GABRG3: variants seen among roughly 807,000 people sequenced by gnomAD.
GABRG3 encodes the protein gamma-aminobutyric acid receptor subunit gamma-3.
A neutral mutation model predicts 48.8 loss-of-function variants in GABRG3; 25 were observed. The ratio of observed to expected loss-of-function variants is 0.51; its 90% confidence interval spans 0.37 to 0.72. The LOEUF (loss-of-function observed/expected upper bound fraction) is 0.72. GABRG3 is among the 30% of genes least tolerant of loss of function. GABRG3 has a pLI of 0.00. For missense variants in GABRG3, 394 were observed against 577.9 expected (o/e 0.68, Z 3.26); for synonymous variants, 227 against 217.6 (o/e 1.04, Z -0.38).
chr15:27,128,084 A>AG (rs1181713680), intron 3 of GABRG3, among the ~76,000 whole-genome samples: 4 of 152,190 alleles, frequency 2.6e-5, no homozygotes, highest in African/African-American at 9.6e-5. Context: ...GTTTGAGGCC[A>AG]GGGATGGTGG....
At chr15:27,235,416 A>C (rs1251884551) in intron 3 of GABRG3, among the ~76,000 whole-genome samples, 1 of 152,144 alleles carries the variant, frequency 6.6e-6, no homozygotes, top group East Asian at 1.9e-4. Context: ...TGACTCCATC[A>C]TTTGCTCCAC....
At chr15:27,061,380 A>G (rs1595500151) in intron 3 of GABRG3, among the ~76,000 whole-genome samples, 1 of 151,662 alleles carries the variant, frequency 6.6e-6, no homozygotes, top group Non-Finnish European at 1.5e-5. Context: ...AACGCTGGCC[A>G]TCTGGCTGAT....
intron 3 of GABRG3, among the ~76,000 whole-genome samples, chr15:27,097,586 A>G (rs544467058): frequency 6.6e-6 from 1 of 151,594 alleles, no homozygotes; most frequent in South Asian, 2.1e-4. Context: ...TACAGCTTTA[A>G]TTATAATATT....
chr15:27,309,615 G>A (rs750695179), intron 3 of GABRG3, among the ~76,000 whole-genome samples: 85 of 152,074 alleles, frequency 5.6e-4, no homozygotes, highest in Non-Finnish European at 1.0e-3. Flanking sequence ...AAACCATGAC[G>A]TGATAGTGCT....
chr15:27,148,413 CA>C (rs1361825755), intron 3 of GABRG3, among the ~76,000 whole-genome samples: 1 of 151,854 alleles, frequency 6.6e-6, no homozygotes, highest in East Asian at 1.9e-4. Context: ...AGAATTTTAC[CA>C]AACCTTTTAA....
intron 9 of GABRG3, 25 bp downstream of exon 9, chr15:27,528,017 A>G (rs750811790): frequency 1.8e-5 from 28 of 1,547,716 alleles, no homozygotes; most frequent in African/African-American, 2.7e-5. Flanking sequence ...GCAGGTGCCA[A>G]TATTTCTGAG....
intron 3 of GABRG3, among the ~76,000 whole-genome samples, chr15:27,047,303 C>G (rs556535903): frequency 6.6e-6 from 1 of 152,280 alleles, no homozygotes; most frequent in East Asian, 1.9e-4. Flanking sequence ...AAACATGTCA[C>G]CCTCGCAGGT....
chr15:27,324,927 T>A (rs1893555552), intron 3 of GABRG3, among the ~76,000 whole-genome samples: 1 of 130,982 alleles, frequency 7.6e-6, no homozygotes, highest in Non-Finnish European at 1.5e-5. Flanking sequence ...ATTAAAGAGG[T>A]TACTGGGTGG....
chr15:27,314,283 T>C (rs564219522), intron 3 of GABRG3, among the ~76,000 whole-genome samples: 1 of 152,278 alleles, frequency 6.6e-6, no homozygotes, highest in East Asian at 1.9e-4. Context: ...CAAGAAGACA[T>C]ACACACTGCC....
intron 5 of GABRG3, among the ~76,000 whole-genome samples, chr15:27,346,137 AAAAG>A (rs1226101759): frequency 6.6e-5 from 10 of 151,724 alleles, no homozygotes; most frequent in African/African-American, 2.4e-4. Flanking sequence ...AGAAAGAAAG[AAAAG>A]AAAGAAGGAA....
intron 5 of GABRG3, among the ~76,000 whole-genome samples, chr15:27,395,748 A>G (rs1474681040): frequency 6.6e-6 from 1 of 152,236 alleles, no homozygotes; most frequent in African/African-American, 2.4e-5. Context: ...CCTAAATGTA[A>G]ACAAATAATT....
chr15:27,029,457 GCATGCACA>G (rs1376806804), intron 3 of GABRG3, among the ~76,000 whole-genome samples: 3 of 148,128 alleles, frequency 2.0e-5, no homozygotes, highest in African/African-American at 5.0e-5. Flanking sequence ...ACACACACAC[GCATGCACA>G]CATGCACACA....
chr15:27,159,599 T>G (rs939707792), intron 3 of GABRG3, among the ~76,000 whole-genome samples: 1 of 152,130 alleles, frequency 6.6e-6, no homozygotes, highest in Admixed American at 6.5e-5. Context: ...TATATGAACA[T>G]TTGATTATTC....
chr15:27,162,596 C>T (rs749690171), intron 3 of GABRG3, among the ~76,000 whole-genome samples: 26 of 151,962 alleles, frequency 1.7e-4, no homozygotes, highest in Non-Finnish European at 2.2e-4. Context: ...AGAAACACGC[C>T]AAATGGAAAA....
At chr15:26,986,573 C>T (rs1217932278) in intron 2 of GABRG3, among the ~76,000 whole-genome samples, 11 of 152,156 alleles carry the variant, frequency 7.2e-5, no homozygotes, top group Admixed American at 7.2e-4. Context: ...CCGTGTGAGA[C>T]AGTGCTGTGT....
chr15:27,529,384 T>A (rs1189118675), intron 9 of GABRG3, among the ~76,000 whole-genome samples: 8 of 152,212 alleles, frequency 5.3e-5, no homozygotes, highest in Non-Finnish European at 8.8e-5. Flanking sequence ...TTTACAATAA[T>A]GACTTTTATT....
intron 3 of GABRG3, among the ~76,000 whole-genome samples, chr15:27,240,838 A>G (rs1890109506): frequency 6.6e-6 from 1 of 152,244 alleles, no homozygotes; most frequent in African/African-American, 2.4e-5. Flanking sequence ...GAACGTGATC[A>G]GTTGATACCA....
rs561009058 is a variant in GABRG3 at position 27,243,265 on chromosome 15, A to G, written c.271-83544A>G. On this transcript the variant is annotated intron_variant, in intron 3 of 9. Transcript: ENST00000615808. The stretch of plus-strand genomic sequence containing the variant: ...AGAAGGAAGACACTCTAATGTTACC[A>G]TCGTGAACGCTGTGAAAATAACACC... Among the ~76,000 whole-genome samples, 13 of 152,342 alleles carry G rather than the reference A, an allele frequency of 8.5e-5. No homozygotes were observed. The East Asian group carries it at 2.5e-3, about 29-fold the overall frequency.
At chr15:27,200,305 C>A (rs1888641533) in intron 3 of GABRG3, among the ~76,000 whole-genome samples, 1 of 152,190 alleles carries the variant, frequency 6.6e-6, no homozygotes, top group Admixed American at 6.5e-5. Flanking sequence ...AATCTTCTGT[C>A]TATTACAGAG....
Sources: allele counts gnomAD v4.1 joint callset (sites outside exome capture counted in the v4.1 genomes callset), GRCh38; gene constraint gnomAD v4.1.1; transcripts MANE v1.5; gene names NCBI Gene and HGNC (gene_info 2026-07-23, HGNC 2026-07-21).